The following ABCB5 variants were observed in gnomAD, a reference collection of about 807,000 sequenced individuals.
ABCB5 encodes ATP-binding cassette sub-family B member 5.
In ABCB5, 155 loss-of-function variants were observed where a neutral mutation model predicts 144.2. That is an observed-to-expected ratio of 1.08 (90% confidence interval 0.94 to 1.23). ABCB5 has a LOEUF of 1.23. Among genes scored for constraint, ABCB5 ranks in the 50% most tolerant of loss-of-function variants. The probability of loss-of-function intolerance (pLI) is 0.00; values close to 1 mark genes in which losing one functional copy is unlikely to be tolerated. For synonymous variants in ABCB5, 610 were observed against 528.6 expected (o/e 1.15, Z -2.11); for missense variants, 1,830 against 1,520.8 (o/e 1.20, Z -3.38).
In ABCB5 at chr7:20,618,276, C is replaced by T. The variant is rs1026836547; in HGVS notation, c.-22+2439C>T. On this transcript the variant is annotated intron_variant, in intron 1 of 27. Transcript: ENST00000404938. ...ATGGATTTGCCTGCTCTAGGCACTTCATATTAATGGAATTATATAGTATGT... is the reference window on the plus strand; with the variant it reads ...ATGGATTTGCCTGCTCTAGGCACTTTATATTAATGGAATTATATAGTATGT... Among the ~76,000 whole-genome samples, 8 of 152,262 alleles carry T rather than the reference C, an allele frequency of 5.3e-5. No individual in the cohort carries two copies. The South Asian group carries it at 6.2e-4, about 12-fold the overall frequency.
In ABCB5 at chr7:20,742,893, A is replaced by C. The variant is rs1554290466; in HGVS notation, c.3041A>C (p.Asn1014Thr). 9 of 1,614,122 alleles carry C rather than the reference A, an allele frequency of 5.6e-6. No individual in the cohort carries two copies. The South Asian group carries it at 9.9e-5, about 18-fold the overall frequency. ...EGKKPDTCEG[N>T]LEFREVSFFY... Reference sequence around the variant, plus strand: ...CTTTCACAGGACACATGTGAAGGGAATTTAGAGTTTCGAGAAGTCTCTTTC... The same window carrying C: ...CTTTCACAGGACACATGTGAAGGGACTTTAGAGTTTCGAGAAGTCTCTTTC... Residue 1014 changes from asparagine to threonine, a missense_variant, in exon 25 of 28, where the codon AAT (asparagine) becomes ACT (threonine). Coordinates refer to ENST00000404938, the MANE Select transcript of ABCB5 (RefSeq NM_001163941.2).
intron 14 of ABCB5, chr7:20,659,525 C>G (rs1784929529): frequency 9.9e-7 from 1 of 1,012,884 alleles, no homozygotes; most frequent in South Asian, 4.4e-5. Context: ...TATTTAGTAG[C>G]AAATCAGATT....
At chr7:20,690,502 A>T (rs997791273) in intron 16 of ABCB5, among the ~76,000 whole-genome samples, 7 of 152,222 alleles carry the variant, frequency 4.6e-5, no homozygotes, top group African/African-American at 1.7e-4. Context: ...TCCACGAAAT[A>T]AAACAGGTGA....
chr7:20,684,802 G>A (rs1257758669), intron 15 of ABCB5, among the ~76,000 whole-genome samples: 1 of 152,096 alleles, frequency 6.6e-6, no homozygotes, highest in Non-Finnish European at 1.5e-5. Context: ...AAGAATCACC[G>A]TGTCCCTGGA....
chr7:20,625,289 G>A (rs192379602), intron 2 of ABCB5, among the ~76,000 whole-genome samples: 4 of 152,324 alleles, frequency 2.6e-5, no homozygotes, highest in African/African-American at 7.2e-5. Flanking sequence ...TAAAGCAGGA[G>A]AGGAGCCGGA....
chr7:20,673,541 T>C (rs1303378821), intron 14 of ABCB5, among the ~76,000 whole-genome samples: 1 of 152,088 alleles, frequency 6.6e-6, no homozygotes, highest in Non-Finnish European at 1.5e-5. Flanking sequence ...TATATCCTTT[T>C]CACTTTAATC....
At chr7:20,682,108 G>A (rs1354277001) in intron 15 of ABCB5, among the ~76,000 whole-genome samples, 1 of 152,142 alleles carries the variant, frequency 6.6e-6, no homozygotes, top group Non-Finnish European at 1.5e-5. Flanking sequence ...AGAAGGCTGA[G>A]GCAAGCGAAT....
chr7:20,746,522 C>T (rs920349687), intron 26 of ABCB5, among the ~76,000 whole-genome samples: 1 of 152,238 alleles, frequency 6.6e-6, no homozygotes, highest in Non-Finnish European at 1.5e-5. Flanking sequence ...GCATGTATCA[C>T]AGTCTGAAAA....
chr7:20,737,991 C>T (rs1782442882), intron 23 of ABCB5, among the ~76,000 whole-genome samples: 1 of 152,130 alleles, frequency 6.6e-6, no homozygotes, highest in African/African-American at 2.4e-5. Flanking sequence ...GATCTGAGGT[C>T]TAGGTCACTG....
chr7:20,668,965 G>A (rs1785346277), intron 14 of ABCB5, among the ~76,000 whole-genome samples: 2 of 112,862 alleles, frequency 1.8e-5, no homozygotes, highest in East Asian at 3.8e-4. Flanking sequence ...GCCCCGTCCG[G>A]GAGGGAGGTG....
intron 2 of ABCB5, among the ~76,000 whole-genome samples, chr7:20,626,298 A>T (rs939148904): frequency 5.9e-5 from 9 of 152,244 alleles, no homozygotes; most frequent in African/African-American, 2.2e-4. Flanking sequence ...AAATTATTCA[A>T]GAAGATAAAG....
At chr7:20,728,673 GA>G (rs1228604148) in intron 23 of ABCB5, among the ~76,000 whole-genome samples, 1 of 152,188 alleles carries the variant, frequency 6.6e-6, no homozygotes, top group East Asian at 1.9e-4. Flanking sequence ...AGAATCGATT[GA>G]ACCCAGGAAA....
At chr7:20,697,474 T>C (rs1410897671) in intron 16 of ABCB5, among the ~76,000 whole-genome samples, 1 of 152,304 alleles carries the variant, frequency 6.6e-6, no homozygotes, top group East Asian at 1.9e-4. Context: ...CACAAAGCTG[T>C]TCAGAAGAAT....
chr7:20,696,482 G>C (rs913230351), intron 16 of ABCB5, among the ~76,000 whole-genome samples: 38 of 152,092 alleles, frequency 2.5e-4, no homozygotes, highest in African/African-American at 9.2e-4. Context: ...ACTTCTAGGG[G>C]TAATGGATAT....
rs200559589 is a variant in ABCB5 at position 20,728,431 on chromosome 7, G to C, written c.2843G>C (p.Arg948Pro). Residue 948 changes from arginine (R) to proline (P), a missense_variant, in exon 23 of 28, where the codon CGA becomes CCA. Arg to Pro is a moderately radical substitution (Grantham distance 103). Transcript: ENST00000404938. ...RFGAYLIQAG[R>P]MTPEGMFIVF... ...GGAGCCTATTTAATTCAAGCTGGAC[G>C]AATGACCCCAGAGGGCATGTTCATG... 5 of 1,614,062 alleles carry C rather than the reference G, an allele frequency of 3.1e-6. No homozygotes were observed. Among genetic ancestry groups the C allele is most frequent in the Admixed American group, 1.7e-5 (1 of 59,984 alleles).
intron 20 of ABCB5, among the ~76,000 whole-genome samples, chr7:20,719,942 TAC>T (rs10533720): frequency 0.056 from 8,252 of 148,554 alleles, 381 homozygotes; most frequent in African/African-American, 0.13. Context: ...TACCTATCAA[TAC>T]ACACACACAC....
At chr7:20,708,073 G>A (rs1261749699) in intron 20 of ABCB5, among the ~76,000 whole-genome samples, 1 of 151,758 alleles carries the variant, frequency 6.6e-6, no homozygotes, top group Non-Finnish European at 1.5e-5. Flanking sequence ...CCAAAGTGCT[G>A]GATTACAGGC....
intron 26 of ABCB5, among the ~76,000 whole-genome samples, chr7:20,747,963 G>A (rs1186882042): frequency 1.3e-5 from 2 of 152,194 alleles, no homozygotes; most frequent in Non-Finnish European, 2.9e-5. Flanking sequence ...AACCAGCCAC[G>A]CATTCCCCAG....
intron 20 of ABCB5, among the ~76,000 whole-genome samples, 171 bp downstream of exon 20, chr7:20,704,978 A>T (rs1352919879): frequency 6.6e-6 from 1 of 152,214 alleles, no homozygotes; most frequent in African/African-American, 2.4e-5. Context: ...TGAAAGGAAG[A>T]CTTTCCGTTC....
Sources: gnomAD v4.1 joint callset for allele counts (sites outside exome capture counted in the v4.1 genomes callset) on GRCh38, gnomAD v4.1.1 for gene constraint, MANE v1.5 for transcripts, NCBI Gene and HGNC (gene_info 2026-07-23, HGNC 2026-07-21) for gene names.